The following ITPR3 variants were observed in gnomAD, a reference collection of about 807,000 sequenced individuals.
The protein encoded by ITPR3 is inositol 1,4,5-trisphosphate receptor type 3, also known as inositol 1,4,5-trisphosphate-gated calcium channel ITPR3.
In ITPR3, 173 loss-of-function variants were observed where a neutral mutation model predicts 293.2. The ratio of observed to expected loss-of-function variants is 0.59; its 90% CI spans 0.52 to 0.67. The LOEUF (loss-of-function observed/expected upper bound fraction) is 0.67. ITPR3 is among the 30% of genes least tolerant of loss of function. ITPR3 has a pLI of 0.00. For missense variants in ITPR3, 2,796 were observed against 3,592.1 expected, an observed-to-expected ratio of 0.78 and a Z score of 5.66; for synonymous variants, 1,295 against 1,444.4, an observed-to-expected ratio of 0.90 and a Z score of 2.35.
intron 2 of ITPR3, among the ~76,000 whole-genome samples, chr6:33,641,978 C>T (rs1366441635): frequency 6.6e-6 from 1 of 152,148 alleles, no homozygotes; most frequent in East Asian, 1.9e-4. Flanking sequence ...TTTTTCTGCC[C>T]CACTAGAATG....
chr6:33,669,122 A>AACGCCC lies in ITPR3; in HGVS notation c.2159_2164dup (p.Ala720_His721dup). On this transcript the variant is annotated inframe_insertion, in exon 18 of 58. Coordinates refer to ENST00000605930, the MANE Select transcript of ITPR3 (RefSeq NM_002224.4). ...GCTGGCCCAGGAGGCGCGGGCCGGC[A>AACGCCC]ACGCCCACGACGAGAATGTGCTCAG... The AACGCCC allele has an allele frequency of 1.2e-6, 2 of 1,614,100 alleles. No individual in the cohort carries two copies. Among genetic ancestry groups the AACGCCC allele is most frequent in the Non-Finnish European group, 1.7e-6 (2 of 1,180,006 alleles).
rs1384367990 is a variant in ITPR3, at chr6:33,664,450, T to A, written c.1149-420T>A. Reference sequence around the variant, plus strand: ...GATTTGGTATTCAGATTGTTTTTCATTTTAGAAAGGTAAACTTGCATTTTG... The same window carrying A: ...GATTTGGTATTCAGATTGTTTTTCAATTTAGAAAGGTAAACTTGCATTTTG... On this transcript the variant is annotated intron_variant, in intron 11 of 57. Coordinates refer to ENST00000605930, the MANE Select transcript of ITPR3 (RefSeq NM_002224.4). The surrounding 1 kb of genome is among the most constrained non-coding windows in gnomAD (Gnocchi z 4.4). Among the ~76,000 whole-genome samples the A allele has an allele frequency of 6.6e-6, 1 of 152,206 alleles. No individual in the cohort carries two copies. The highest frequency in any genetic ancestry group is 1.5e-5 in the Non-Finnish European group (1 of 68,046).
intron 2 of ITPR3, among the ~76,000 whole-genome samples, chr6:33,651,955 G>A (rs1561858250): frequency 6.6e-6 from 1 of 152,154 alleles, no homozygotes; most frequent in African/African-American, 2.4e-5. Context: ...GGCTGTACCT[G>A]TCCCTTTCTG....
chr6:33,640,466 A>G lies in ITPR3; in HGVS notation c.90-18A>G. 2 of 1,611,578 alleles carry G rather than the reference A, an allele frequency of 1.2e-6. No individual in the cohort carries two copies. The highest frequency in any genetic ancestry group is 8.5e-7 in the Non-Finnish European group (1 of 1,178,912). On this transcript the variant is annotated intron_variant, in intron 1 of 57. Coordinates refer to ENST00000605930, the MANE Select transcript of ITPR3 (RefSeq NM_002224.4). Reference sequence around the variant, plus strand: ...TAGGTCTCTTCTCTCCTGCTGACCGAGCTGCTTTGTTCCCCAGGCTGGTGG... The same window carrying G: ...TAGGTCTCTTCTCTCCTGCTGACCGGGCTGCTTTGTTCCCCAGGCTGGTGG...
At position 33,675,473 on chromosome 6, in the gene ITPR3, G is replaced by A. The variant is rs1365613494; in HGVS notation, c.3117-218G>A. ...TGCTTCAGTTGCTTAATCAAGGGGA[G>A]TCCCGAGAGATCCCAGGAGACACGG... On this transcript the variant is annotated intron_variant, in intron 24 of 57. Transcript: ENST00000605930. The surrounding 1 kb of genome is among the most constrained non-coding windows in gnomAD (Gnocchi z 5.0). Among the ~76,000 whole-genome samples, 1 of 151,988 alleles carries A rather than the reference G, an allele frequency of 6.6e-6. No individual in the cohort carries two copies. The highest frequency in any genetic ancestry group is 6.5e-5 in the Admixed American group (1 of 15,272).
At position 33,695,809 on chromosome 6, in the gene ITPR3, AT is replaced by A. The variant is rs1253700231; in HGVS notation, c.*30del. ...GAGCCACCGAAGGCCCCAACAGGGG[AT>A]GCTCATCACTGGAGACTGCGACTGG... On this transcript the variant is annotated 3_prime_UTR_variant, in exon 58 of 58. Coordinates refer to ENST00000605930, the MANE Select transcript of ITPR3 (RefSeq NM_002224.4). The A allele has an allele frequency of 2.5e-6, 4 of 1,609,724 alleles. No homozygotes were observed. The highest frequency in any genetic ancestry group is 3.4e-6 in the Non-Finnish European group (4 of 1,176,222).
chr6:33,691,964 C>T lies in ITPR3; in HGVS notation c.7458+36C>T. The T allele has an allele frequency of 6.2e-7, 1 of 1,612,576 alleles. No individual in the cohort carries two copies. Among genetic ancestry groups the T allele is most frequent in the East Asian group, 2.2e-5 (1 of 44,880 alleles). ...CTGCCCACTCCCAAACCTGTGGGGC[C>T]CAAGCCACTGTCCAGATCAGCAACT... is the stretch of plus-strand genomic sequence containing the variant. On this transcript the variant is annotated intron_variant, in intron 54 of 57. Transcript: ENST00000605930. The surrounding 1 kb of genome is among the most constrained non-coding windows in gnomAD (Gnocchi z 4.9).
Position 33,672,284 on chromosome 6 carries a change from C to A in ITPR3, c.2928+56C>A. On this transcript the variant is annotated intron_variant, in intron 22 of 57. Transcript: ENST00000605930. The surrounding 1 kb of genome is among the most constrained non-coding windows in gnomAD (Gnocchi z 5.0). ...TGGGTATAGGGGGAGGGTAATGGGG[C>A]GGGTACAGGGAGGCTGGGCAGGGCG... 3 of 593,900 alleles carry A rather than the reference C, an allele frequency of 5.1e-6. No homozygotes were observed. The highest frequency in any genetic ancestry group is 8.9e-6 in the Non-Finnish European group (3 of 337,082). 36.8% of individuals were successfully genotyped at this position (593,900 alleles called of 1,614,324 possible). A position where few individuals can be genotyped will look rare whatever the true frequency, so the allele number is the denominator to read the frequency against.
At chr6:33,673,478 C>T (rs1377075921) in intron 22 of ITPR3, 113 bp from the exon 23 acceptor site, 1 of 1,380,082 alleles carries the variant, frequency 7.2e-7, no homozygotes, top group Non-Finnish European at 1.0e-6. Context: ...GCCCCAAGTG[C>T]TAGAGCCTAT....
At position 33,695,912 on chromosome 6, in the gene ITPR3, C is replaced by T; in HGVS notation, c.*132C>T. ...CTCCACTCCCACTCTGCCAGACACC[C>T]TGACACCCACCCAGGCTTTGAAGAG... On this transcript the variant is annotated 3_prime_UTR_variant, in exon 58 of 58. Coordinates refer to ENST00000605930, the MANE Select transcript of ITPR3 (RefSeq NM_002224.4). The T allele has an allele frequency of 2.6e-6, 2 of 764,896 alleles. No individual in the cohort carries two copies. The highest frequency in any genetic ancestry group is 2.2e-6 in the Non-Finnish European group (1 of 452,410). 47.4% of individuals were successfully genotyped at this position (764,896 alleles called of 1,614,324 possible).
In ITPR3 at chr6:33,640,537, C is replaced by A; in HGVS notation, c.143C>A (p.Pro48His). The A allele has an allele frequency of 6.2e-7, 1 of 1,613,368 alleles. No homozygotes were observed. The highest frequency in any genetic ancestry group is 1.1e-5 in the South Asian group (1 of 91,024). ...VEPAAGDLDN[P>H]PKKFRDCLFK... The stretch of plus-strand genomic sequence containing the variant: ...CCCGCGGCCGGGGACCTGGACAACC[C>A]CCCTAAGAAGTTCCGTGGTAAGACC... The change falls in exon 2 of 58, where the codon CCC becomes CAC. Residue 48 changes from proline (P) to histidine (H), a missense_variant. By Grantham distance (77) the Pro-to-His change is moderately conservative. Transcript: ENST00000605930.
chr6:33,628,320 C>G (rs140094702), intron 1 of ITPR3, among the ~76,000 whole-genome samples: 1 of 152,220 alleles, frequency 6.6e-6, no homozygotes, highest in Admixed American at 6.5e-5. Flanking sequence ...AGGAGGAAAG[C>G]AGAACGCAGA....
chr6:33,686,492 C>G lies in ITPR3; in HGVS notation c.5952C>G (p.Tyr1984Ter), dbSNP rs1258177724. The G allele has an allele frequency of 4.3e-6, 7 of 1,614,176 alleles. No individual in the cohort carries two copies. The highest frequency in any genetic ancestry group is 5.9e-6 in the Non-Finnish European group (7 of 1,179,996). Residue 1984 changes from tyrosine to a stop codon, truncating the protein, a stop_gained, in exon 43 of 58, where the codon TAC (tyrosine) becomes TAG (stop). Coordinates refer to ENST00000605930, the MANE Select transcript of ITPR3 (RefSeq NM_002224.4). LOFTEE classifies it high-confidence loss of function. ...ATGACATCAGCCCCCTGTGCAAGTA[C>G]CGCATGGATCTGGTGCTGCAGCTCA... The part of the protein sequence containing the change: ...ILNDISPLCK[Y>*]RMDLVLQLKD...
intron 3 of ITPR3, among the ~76,000 whole-genome samples, chr6:33,657,317 C>G (rs1181948905): frequency 2.0e-5 from 3 of 152,176 alleles, no homozygotes; most frequent in African/African-American, 4.8e-5. Flanking sequence ...GACAGAAGAG[C>G]CTAAAAAGCT....
intron 1 of ITPR3, among the ~76,000 whole-genome samples, chr6:33,623,507 T>A (rs1361310641): frequency 1.3e-5 from 2 of 151,864 alleles, no homozygotes; most frequent in Non-Finnish European, 2.9e-5. Context: ...TGTATTTTTT[T>A]TGTAGAGACT....
rs143247180 is a variant in ITPR3 at position 33,668,278 on chromosome 6, C to T, written c.1887-237C>T. On this transcript the variant is annotated intron_variant, in intron 16 of 57. Transcript: ENST00000605930. ...ATTTTGAATATCACCTCGGCCCTTG[C>T]GCTTCCTCACCCTGTCCGTCTGAAC... Among the ~76,000 whole-genome samples, 128 of 152,310 alleles carry T rather than the reference C, an allele frequency of 8.4e-4. 1 individual carries two copies. The highest frequency in any genetic ancestry group is 2.6e-3 in the African/African-American group (108 of 41,566).
rs560058039 is a variant in ITPR3, at chr6:33,693,423, T to C, written c.7625-122T>C. The C allele has an allele frequency of 4.1e-4, 395 of 953,800 alleles. 1 individual carries two copies. Among genetic ancestry groups the C allele is most frequent in the Non-Finnish European group, 5.5e-4 (338 of 620,132 alleles). The allele number at this position is 953,800 out of a possible 1,614,324, so 59.1% of individuals were successfully genotyped here. A position where few individuals can be genotyped will look rare whatever the true frequency, so the allele number is the denominator to read the frequency against. ...GACCCAAATAGCCCAGAGCGAGCTG[T>C]TGGAAGCGCTCATCCCGAGAACAAA... On this transcript the variant is annotated intron_variant, in intron 55 of 57. Coordinates refer to ENST00000605930, the MANE Select transcript of ITPR3 (RefSeq NM_002224.4).
chr6:33,673,483 G>C lies in ITPR3; in HGVS notation c.2929-108G>C. 5.6e-6 allele frequency: 8 copies of C among 1,417,368 alleles called. No individual in the cohort carries two copies. The South Asian group carries it at 9.2e-5, about 16-fold the overall frequency. The allele number at this position is 1,417,368 out of a possible 1,614,324, so 87.8% of individuals were successfully genotyped here. On this transcript the variant is annotated intron_variant, in intron 22 of 57. Coordinates refer to ENST00000605930, the MANE Select transcript of ITPR3 (RefSeq NM_002224.4). ...GGACCCTGCTGCCCCAAGTGCTAGA[G>C]CCTATTTGGGGGCTCCCTGCCCCCT...
In ITPR3 at chr6:33,658,857, C is replaced by A. The variant is rs182364384; in HGVS notation, c.528+29C>A. On this transcript the variant is annotated intron_variant, in intron 5 of 57. Transcript: ENST00000605930. This position sits in a 1 kb window ranked among gnomAD's most constrained non-coding sequence, Gnocchi z 6.1. ...AGGGCAGGGCCAGGGTTGGAGGGGCCTGGTGGAACTCCCGAGGGGCTTCTG... is the reference window on the plus strand; with the variant it reads ...AGGGCAGGGCCAGGGTTGGAGGGGCATGGTGGAACTCCCGAGGGGCTTCTG... 454 of 1,612,652 alleles carry A rather than the reference C, an allele frequency of 2.8e-4. No individual in the cohort carries two copies. In the East Asian group the frequency reaches 9.5e-3, roughly 34 times the overall value.
Sources: allele counts gnomAD v4.1 joint callset (sites outside exome capture counted in the v4.1 genomes callset), GRCh38; gene constraint gnomAD v4.1.1; non-coding constraint Gnocchi (gnomAD v3.1); transcripts MANE v1.5; gene names NCBI Gene and HGNC (gene_info 2026-07-23, HGNC 2026-07-21).